Variants in RGS5 observed in about 807,000 individuals in gnomAD.
The protein encoded by RGS5 is regulator of G protein signaling 5.
A neutral mutation model predicts 18.9 loss-of-function variants in RGS5; 20 were observed. The ratio of observed to expected loss-of-function variants is 1.06; its 90% CI spans 0.74 to 1.54. The LOEUF is 1.54. Among genes scored for constraint, RGS5 ranks in the 40% most tolerant of loss-of-function variants. RGS5 has a pLI of 0.00. For synonymous variants in RGS5, 57 were observed against 76.2 expected, an observed-to-expected ratio of 0.75 and a Z score of 1.31; for missense variants, 201 against 211.8, an observed-to-expected ratio of 0.95 and a Z score of 0.32.
chr1:163,212,412 G>T (rs1372197959), intron 1 of RGS5: 1 of 152,160 alleles, frequency 6.6e-6, no homozygotes, highest in African/African-American at 2.4e-5. Context: ...TCATAGCATT[G>T]CCTGGAAATA....
intron 2 of RGS5, among the ~76,000 whole-genome samples, chr1:163,244,152 T>C (rs1040707260): frequency 6.6e-6 from 1 of 152,208 alleles, no homozygotes; most frequent in Non-Finnish European, 1.5e-5. Context: ...ATGAGTAATT[T>C]GGTAATAGCA....
intron 1 of RGS5, among the ~76,000 whole-genome samples, chr1:163,200,759 T>C (rs1659744559): frequency 6.6e-6 from 1 of 152,094 alleles, no homozygotes; most frequent in Non-Finnish European, 1.5e-5. Flanking sequence ...AAAGACTCAG[T>C]CAACCTATGG....
At chr1:163,297,369 G>T (rs1186739711) in intron 2 of RGS5, among the ~76,000 whole-genome samples, 1 of 152,144 alleles carries the variant, frequency 6.6e-6, no homozygotes, top group Admixed American at 6.5e-5. Flanking sequence ...CACGAAGATT[G>T]TGAGTTATTT....
intron 2 of RGS5, among the ~76,000 whole-genome samples, chr1:163,246,486 G>A (rs1409490427): frequency 2.0e-5 from 3 of 149,440 alleles, no homozygotes; most frequent in South Asian, 2.2e-4. Flanking sequence ...CAGGAGAATC[G>A]CTTGAACCCA....
chr1:163,257,361 A>T (rs1488012881), intron 2 of RGS5, among the ~76,000 whole-genome samples: 1 of 152,064 alleles, frequency 6.6e-6, no homozygotes, highest in Non-Finnish European at 1.5e-5. Context: ...GGTTCTTCAT[A>T]GTCAAAGACG....
intron 4 of RGS5, among the ~76,000 whole-genome samples, chr1:163,147,912 C>CTTTTTCTTTTTTTTCTT (rs1553211787): frequency 7.8e-5 from 8 of 101,918 alleles, no homozygotes; most frequent in African/African-American, 3.1e-4. Flanking sequence ...GTGCTTTTTT[C>CTTTTTCTTTTTTTTCTT]TTTTTCTTTT....
chr1:163,198,688 T>C lies in RGS5; in HGVS notation c.44+4104A>G, dbSNP rs78053516. ...ACTCTGCACCCAGGCTGGAGTGCAA[T>C]AGTAGCAATCATAGCTCACTATAGC... On this transcript the variant is annotated intron_variant, in intron 1 of 4. Coordinates refer to ENST00000313961, the MANE Select transcript of RGS5 (RefSeq NM_003617.4). 6.0e-3 allele frequency among the ~76,000 whole-genome samples: 920 copies of C among 152,244 alleles called. 11 individuals carry two copies. Among genetic ancestry groups the C allele is most frequent in the African/African-American group, 0.021 (863 of 41,562 alleles).
upstream of RGS5, among the ~76,000 whole-genome samples, chr1:163,207,074 A>G (rs1460703826): frequency 6.6e-6 from 1 of 152,182 alleles, no homozygotes; most frequent in Non-Finnish European, 1.5e-5. Flanking sequence ...TTCTCACAAC[A>G]AAAGCATGAG....
intron 1 of RGS5, among the ~76,000 whole-genome samples, chr1:163,321,113 A>G (rs2101657999): frequency 6.6e-6 from 1 of 152,300 alleles, no homozygotes; most frequent in South Asian, 2.1e-4. Flanking sequence ...AATACCATGT[A>G]AAAAAATACA....
chr1:163,276,374 TAA>T (rs1648853993), intron 2 of RGS5, among the ~76,000 whole-genome samples: 1 of 152,164 alleles, frequency 6.6e-6, no homozygotes, highest in Admixed American at 6.5e-5. Flanking sequence ...ACTGAGAGGA[TAA>T]AGATACTCAT....
At chr1:163,245,805 G>T (rs1024526245) in intron 2 of RGS5, among the ~76,000 whole-genome samples, 3 of 152,184 alleles carry the variant, frequency 2.0e-5, no homozygotes, top group Non-Finnish European at 4.4e-5. Flanking sequence ...TCAATATATA[G>T]TAGCTTAAAA....
intron 2 of RGS5, among the ~76,000 whole-genome samples, chr1:163,245,338 C>T (rs3886902): frequency 0.2 from 29,799 of 152,108 alleles, 3,348 homozygotes; most frequent in Non-Finnish European, 0.25. Flanking sequence ...AGAACACTTG[C>T]CCAGAATTAT....
At chr1:163,256,140 G>T (rs543240351) in intron 2 of RGS5, among the ~76,000 whole-genome samples, 111 of 152,218 alleles carry the variant, frequency 7.3e-4, no homozygotes, top group African/African-American at 2.6e-3. Flanking sequence ...GAAATAAAGG[G>T]TATTCAATTA....
At chr1:163,241,564 C>A (rs557290383) in intron 2 of RGS5, among the ~76,000 whole-genome samples, 54 of 152,278 alleles carry the variant, frequency 3.5e-4, no homozygotes, top group African/African-American at 1.3e-3. Flanking sequence ...AGGTATGGAT[C>A]ACACTTATGC....
chr1:163,181,558 T>C (rs540962378), intron 1 of RGS5, among the ~76,000 whole-genome samples: 1 of 152,294 alleles, frequency 6.6e-6, no homozygotes, highest in Middle Eastern at 3.4e-3. Context: ...GGCCAGTAAG[T>C]TACAGAGCAA....
chr1:163,304,927 G>A (rs545691742), intron 2 of RGS5: 10 of 152,176 alleles, frequency 6.6e-5, no homozygotes, highest in African/African-American at 1.7e-4. Context: ...AAGATAGAGC[G>A]TTATAAAACT....
chr1:163,306,139 A>G (rs1649692733), intron 2 of RGS5: 1 of 152,170 alleles, frequency 6.6e-6, no homozygotes, highest in African/African-American at 2.4e-5. Flanking sequence ...TTTATCTTGT[A>G]TATTCACTAC....
Position 163,184,694 on chromosome 1 carries a change from C to G in RGS5, c.45-16326G>C, listed in dbSNP as rs1038060394. On this transcript the variant is annotated intron_variant, in intron 1 of 4. Transcript: ENST00000313961. Reference sequence around the variant, plus strand: ...AGGGTCAAGTCTGAAGGCAATATGACAATGAAATCAGACAGAAAGATTAAA... The same window carrying G: ...AGGGTCAAGTCTGAAGGCAATATGAGAATGAAATCAGACAGAAAGATTAAA... Among the ~76,000 whole-genome samples the G allele has an allele frequency of 8.5e-5, 13 of 152,202 alleles. No individual in the cohort carries two copies. The South Asian group carries it at 2.7e-3, about 32-fold the overall frequency.
intron 2 of RGS5, among the ~76,000 whole-genome samples, chr1:163,236,666 A>G (rs1175953003): frequency 6.6e-6 from 1 of 152,196 alleles, no homozygotes; most frequent in Non-Finnish European, 1.5e-5. Flanking sequence ...AAAGAATGAT[A>G]TAAAAATGGC....
Sources: allele counts gnomAD v4.1 joint callset (sites outside exome capture counted in the v4.1 genomes callset), GRCh38; gene constraint gnomAD v4.1.1; transcripts MANE v1.5; gene names NCBI Gene and HGNC (gene_info 2026-07-23, HGNC 2026-07-21).